The following PLEKHM3 variants were observed in gnomAD, a reference collection of about 807,000 sequenced individuals.
The protein encoded by PLEKHM3 is pleckstrin homology domain-containing family M member 3.
Under a neutral mutation model 81.8 loss-of-function variants are expected in PLEKHM3, and 45 were observed. The observed-to-expected ratio is 0.55, with a 90% CI of 0.43 to 0.71. PLEKHM3 has a LOEUF of 0.71. PLEKHM3 is among the 30% of genes least tolerant of loss of function. The pLI is 0.00. For synonymous variants in PLEKHM3, 352 were observed against 356.4 expected (o/e 0.99, Z 0.14); for missense variants, 788 against 924.3 (o/e 0.85, Z 1.91).
intron 2 of PLEKHM3, among the ~76,000 whole-genome samples, chr2:207,992,717 A>G (rs1333978533): frequency 6.6e-6 from 1 of 151,242 alleles, no homozygotes; most frequent in Non-Finnish European, 1.5e-5. Flanking sequence ...GGGAACATAA[A>G]GTGAAAGGGA....
intron 5 of PLEKHM3, among the ~76,000 whole-genome samples, chr2:207,913,037 G>A (rs1185272390): frequency 7.9e-5 from 12 of 152,146 alleles, no homozygotes; most frequent in Non-Finnish European, 1.6e-4. Flanking sequence ...GGCCTGACAG[G>A]AGTCCTTTAG....
At chr2:207,925,390 C>G (rs925754652) in intron 5 of PLEKHM3, among the ~76,000 whole-genome samples, 1 of 152,126 alleles carries the variant, frequency 6.6e-6, no homozygotes, top group Admixed American at 6.5e-5. Flanking sequence ...TTCCTTTTGC[C>G]TCTTCTCCCC....
intron 2 of PLEKHM3, among the ~76,000 whole-genome samples, chr2:207,998,108 G>A (rs1406155940): frequency 6.6e-6 from 1 of 152,156 alleles, no homozygotes; most frequent in African/African-American, 2.4e-5. Context: ...ATGGGCAATA[G>A]GAATATGATT....
At chr2:207,848,614 T>C (rs73062865) in intron 7 of PLEKHM3, among the ~76,000 whole-genome samples, 6,616 of 152,278 alleles carry the variant, frequency 0.043, 299 homozygotes, top group African/African-American at 0.11. Flanking sequence ...AACAAGCCTT[T>C]ATATGGTTTG....
intron 3 of PLEKHM3, among the ~76,000 whole-genome samples, chr2:207,951,007 T>C (rs1256458550): frequency 6.6e-6 from 1 of 152,222 alleles, no homozygotes; most frequent in Non-Finnish European, 1.5e-5. Flanking sequence ...AGATTCATTT[T>C]CTAAAAAACA....
chr2:207,969,353 A>G (rs963564282), intron 3 of PLEKHM3, among the ~76,000 whole-genome samples: 1 of 152,214 alleles, frequency 6.6e-6, no homozygotes, highest in African/African-American at 2.4e-5. Context: ...ACTAGGTCCA[A>G]CCCAGAAATA....
At chr2:207,865,797 A>ATATATATAT (rs1559212735) in intron 6 of PLEKHM3, among the ~76,000 whole-genome samples, 8 of 38,106 alleles carry the variant, frequency 2.1e-4, no homozygotes, top group African/African-American at 8.1e-4. Flanking sequence ...AAAAAAAAAA[A>ATATATATAT]AAAAAGATAT....
At chr2:207,960,634 G>C (rs1308186653) in intron 3 of PLEKHM3, among the ~76,000 whole-genome samples, 1 of 152,222 alleles carries the variant, frequency 6.6e-6, no homozygotes, top group East Asian at 1.9e-4. Context: ...CACACAGACA[G>C]CATCTAATAA....
intron 3 of PLEKHM3, among the ~76,000 whole-genome samples, chr2:207,963,846 A>C (rs1690820259): frequency 6.6e-6 from 1 of 152,214 alleles, no homozygotes; most frequent in Non-Finnish European, 1.5e-5. Flanking sequence ...TTGAACATAT[A>C]TAGAAGAAAT....
At chr2:207,908,359 T>TTATACTAAG (rs1482273251) in intron 6 of PLEKHM3, among the ~76,000 whole-genome samples, 155 bp downstream of exon 6, 1 of 152,216 alleles carries the variant, frequency 6.6e-6, no homozygotes, top group African/African-American at 2.4e-5. Context: ...ATATATCTTT[T>TTATACTAAG]TATACTAAGT....
chr2:207,969,027 A>G (rs771876619), intron 3 of PLEKHM3, among the ~76,000 whole-genome samples: 3 of 152,254 alleles, frequency 2.0e-5, no homozygotes, highest in Admixed American at 6.5e-5. Flanking sequence ...ATTTGAAAAT[A>G]GTAGTAAAGA....
chr2:207,888,808 T>C (rs1425405520), intron 6 of PLEKHM3, among the ~76,000 whole-genome samples: 1 of 152,254 alleles, frequency 6.6e-6, no homozygotes, highest in Non-Finnish European at 1.5e-5. Flanking sequence ...CTAGGACCTA[T>C]TTCTCTTAGA....
chr2:207,964,213 A>G (rs1690837855), intron 3 of PLEKHM3, among the ~76,000 whole-genome samples: 1 of 148,634 alleles, frequency 6.7e-6, no homozygotes, highest in Non-Finnish European at 1.5e-5. Flanking sequence ...CTCCGTCTCA[A>G]AAAAAAAAAA....
At chr2:208,013,361 T>C (rs899933527) in intron 1 of PLEKHM3, among the ~76,000 whole-genome samples, 6 of 151,150 alleles carry the variant, frequency 4.0e-5, no homozygotes, top group South Asian at 2.1e-4. Flanking sequence ...ACTAAAAATA[T>C]AAAAATTAGC....
intron 3 of PLEKHM3, among the ~76,000 whole-genome samples, chr2:207,972,462 C>T (rs1322119931): frequency 6.6e-6 from 1 of 152,046 alleles, no homozygotes; most frequent in Non-Finnish European, 1.5e-5. Flanking sequence ...TGGCACACGC[C>T]TGTAATCCCA....
At position 207,826,551 on chromosome 2, in the gene PLEKHM3, T is replaced by C. The variant is rs1159623752; in HGVS notation, c.*1768A>G. The C allele has an allele frequency of 6.6e-6, 1 of 152,182 alleles. No homozygotes were observed. Among genetic ancestry groups the C allele is most frequent in the Non-Finnish European group, 1.5e-5 (1 of 68,046 alleles). 9.4% of individuals were successfully genotyped at this position (152,182 alleles called of 1,614,324 possible). On this transcript the variant is annotated 3_prime_UTR_variant, in exon 8 of 8. Transcript: ENST00000427836. Reference sequence around the variant, plus strand: ...AAATGCATGTATGGTGTTGAGCTATTAAGGTGAAATGTGTGGCCTGGGGCC... The same window carrying C: ...AAATGCATGTATGGTGTTGAGCTATCAAGGTGAAATGTGTGGCCTGGGGCC...
rs183852623 is a variant in PLEKHM3, at chr2:207,976,979, G to A, written c.1218C>T (p.Asn406=). 80 of 1,614,220 alleles carry A rather than the reference G, an allele frequency of 5.0e-5. No homozygotes were observed. In the East Asian group the frequency reaches 7.6e-4, roughly 15 times the overall value. The change falls in exon 3 of 8, where the codon AAC becomes AAT. Residue 406 remains asparagine, a synonymous_variant. Coordinates refer to ENST00000427836, the MANE Select transcript of PLEKHM3 (RefSeq NM_001080475.3). The surrounding 1 kb of genome is among the most constrained non-coding windows in gnomAD (Gnocchi z 4.1). ...KLDEDPLLSY[N]VDVCLAVQMD... ...TCTGGACAGCCAGACACACGTCCACGTTGTAGCTCAACAGTGGATCCTCGT... is the reference window on the plus strand; with the variant it reads ...TCTGGACAGCCAGACACACGTCCACATTGTAGCTCAACAGTGGATCCTCGT...
At chr2:207,913,550 T>C (rs1271869976) in intron 5 of PLEKHM3, among the ~76,000 whole-genome samples, 1 of 152,006 alleles carries the variant, frequency 6.6e-6, no homozygotes, top group East Asian at 1.9e-4. Flanking sequence ...GCCTGGAAAG[T>C]GCCTGCTGGC....
At chr2:207,926,401 C>A (rs866252476) in intron 5 of PLEKHM3, among the ~76,000 whole-genome samples, 1 of 152,144 alleles carries the variant, frequency 6.6e-6, no homozygotes, top group Non-Finnish European at 1.5e-5. Flanking sequence ...CACATTCTAC[C>A]GTGCCTGTGT....
Sources: allele counts gnomAD v4.1 joint callset (sites outside exome capture counted in the v4.1 genomes callset), GRCh38; gene constraint gnomAD v4.1.1; non-coding constraint Gnocchi (gnomAD v3.1); transcripts MANE v1.5; gene names NCBI Gene and HGNC (gene_info 2026-07-23, HGNC 2026-07-21).